Variants in GPBP1 observed in about 807,000 individuals in gnomAD.
The protein encoded by GPBP1 is GC-rich promoter binding protein 1, also known as vasculin.
Under a neutral mutation model 56.5 loss-of-function variants are expected in GPBP1, and 13 were observed. The ratio of observed to expected loss-of-function variants is 0.23; its 90% CI spans 0.15 to 0.37. The LOEUF is 0.37. GPBP1 is among the 10% of genes least tolerant of loss of function. The probability of loss-of-function intolerance (pLI) is 1.00; values close to 1 mark genes in which losing one functional copy is unlikely to be tolerated. For synonymous variants in GPBP1, 204 were observed against 188.9 expected (o/e 1.08, Z -0.66); for missense variants, 477 against 572.3 (o/e 0.83, Z 1.70).
chr5:57,194,733 A>G (rs1017560367), intron 2 of GPBP1, among the ~76,000 whole-genome samples: 6 of 152,182 alleles, frequency 3.9e-5, no homozygotes, highest in Non-Finnish European at 8.8e-5. Flanking sequence ...GACCTCCCAC[A>G]TAAGAGAATG....
chr5:57,219,589 C>G (rs1755863264), intron 3 of GPBP1, among the ~76,000 whole-genome samples: 1 of 151,952 alleles, frequency 6.6e-6, no homozygotes. Context: ...CCCTGGAATT[C>G]CCCTGTACCG....
intron 2 of GPBP1, among the ~76,000 whole-genome samples, chr5:57,183,364 G>C (rs1228927887): frequency 2.0e-5 from 3 of 152,126 alleles, no homozygotes; most frequent in Non-Finnish European, 4.4e-5. Flanking sequence ...TAAAAACTCT[G>C]TCTCTAAATA....
chr5:57,252,715 A>AAT (rs1561376026), intron 10 of GPBP1, among the ~76,000 whole-genome samples: 2 of 140,618 alleles, frequency 1.4e-5, no homozygotes. Context: ...TTTATTGTAA[A>AAT]TTTTTTTTTT....
intron 10 of GPBP1, 43 bp from the exon 11 acceptor site, chr5:57,261,137 C>A: frequency 8.3e-7 from 1 of 1,200,920 alleles, no homozygotes; most frequent in Non-Finnish European, 1.2e-6. Flanking sequence ...CTGTCCTACT[C>A]AGGGTAAGCT....
chr5:57,179,019 C>T (rs1032035898), intron 2 of GPBP1, among the ~76,000 whole-genome samples: 1 of 152,030 alleles, frequency 6.6e-6, no homozygotes, highest in African/African-American at 2.4e-5. Flanking sequence ...CACTGTGGTA[C>T]TGATGAGAAA....
intron 3 of GPBP1, among the ~76,000 whole-genome samples, chr5:57,223,437 C>T (rs1223467003): frequency 6.6e-6 from 1 of 152,080 alleles, no homozygotes; most frequent in Non-Finnish European, 1.5e-5. Flanking sequence ...CAGATTAGCT[C>T]CAATTCTTGG....
At chr5:57,230,200 G>C (rs991926171) in intron 3 of GPBP1, among the ~76,000 whole-genome samples, 2 of 152,092 alleles carry the variant, frequency 1.3e-5, no homozygotes, top group Non-Finnish European at 2.9e-5. Flanking sequence ...CGAAAGTGCT[G>C]GGATTACAGG....
intron 3 of GPBP1, among the ~76,000 whole-genome samples, chr5:57,220,882 T>C (rs1339881377): frequency 1.3e-5 from 2 of 151,300 alleles, no homozygotes; most frequent in African/African-American, 4.9e-5. Flanking sequence ...TTTCTCAGAA[T>C]CATCATTTAT....
chr5:57,213,729 A>G (rs1009246079), intron 2 of GPBP1, among the ~76,000 whole-genome samples: 2 of 152,174 alleles, frequency 1.3e-5, no homozygotes, highest in Admixed American at 6.5e-5. Context: ...ATCAGGAAAC[A>G]TTTGATGTCT....
At chr5:57,200,736 C>T (rs550864203) in intron 2 of GPBP1, among the ~76,000 whole-genome samples, 20 of 152,114 alleles carry the variant, frequency 1.3e-4, no homozygotes, top group Non-Finnish European at 1.9e-4. Context: ...GGCTGGAGTG[C>T]AGTGGCATGA....
intron 2 of GPBP1, among the ~76,000 whole-genome samples, chr5:57,196,389 A>G (rs1476584658): frequency 2.6e-5 from 4 of 152,076 alleles, no homozygotes; most frequent in South Asian, 4.1e-4. Flanking sequence ...TTTGTTATCA[A>G]ATTGATAGTA....
intron 3 of GPBP1, among the ~76,000 whole-genome samples, chr5:57,224,105 T>G (rs1756073238): frequency 2.0e-5 from 3 of 151,964 alleles, no homozygotes; most frequent in Non-Finnish European, 2.9e-5. Flanking sequence ...AGTGCTGGGA[T>G]TACAGGCATG....
intron 6 of GPBP1, among the ~76,000 whole-genome samples, chr5:57,238,348 C>T (rs1740634474): frequency 1.3e-5 from 2 of 152,102 alleles, no homozygotes; most frequent in Non-Finnish European, 2.9e-5. Flanking sequence ...AGGTGGATCA[C>T]CTGAGGTCGA....
At chr5:57,225,354 C>T (rs191684733) in intron 3 of GPBP1, among the ~76,000 whole-genome samples, 6 of 151,820 alleles carry the variant, frequency 4.0e-5, no homozygotes, top group Admixed American at 2.6e-4. Flanking sequence ...ATTAGCCAGG[C>T]GTGGTGGCGG....
At chr5:57,190,826 C>A (rs1274342986) in intron 2 of GPBP1, among the ~76,000 whole-genome samples, 1 of 150,896 alleles carries the variant, frequency 6.6e-6, no homozygotes, top group Non-Finnish European at 1.5e-5. Flanking sequence ...CCGGCCTCAG[C>A]CTTCTGAGTA....
At chr5:57,184,021 C>T (rs903264906) in intron 2 of GPBP1, among the ~76,000 whole-genome samples, 1 of 152,006 alleles carries the variant, frequency 6.6e-6, no homozygotes, top group Non-Finnish European at 1.5e-5. Flanking sequence ...CGCTTGAACC[C>T]AGGAATTTGA....
intron 2 of GPBP1, among the ~76,000 whole-genome samples, chr5:57,196,962 A>G (rs1754792093): frequency 6.6e-6 from 1 of 151,724 alleles, no homozygotes; most frequent in African/African-American, 2.4e-5. Flanking sequence ...TTTTATTTTT[A>G]GTAGAGATGG....
intron 10 of GPBP1, among the ~76,000 whole-genome samples, chr5:57,257,040 GT>G (rs542751162): frequency 2.0e-4 from 29 of 146,360 alleles, no homozygotes; most frequent in African/African-American, 6.7e-4. Flanking sequence ...TTTTGTTTTT[GT>G]TTTTTTTTTG....
intron 2 of GPBP1, among the ~76,000 whole-genome samples, chr5:57,204,962 A>G (rs1561336918): frequency 6.6e-6 from 1 of 152,196 alleles, no homozygotes; most frequent in Non-Finnish European, 1.5e-5. Flanking sequence ...TTAAAGTAAA[A>G]ATAACATCAC....
Sources: allele counts gnomAD v4.1 joint callset (sites outside exome capture counted in the v4.1 genomes callset), GRCh38; gene constraint gnomAD v4.1.1; transcripts MANE v1.5; gene names NCBI Gene and HGNC (gene_info 2026-07-23, HGNC 2026-07-21).